SESTD1: variants seen among roughly 807,000 people sequenced by gnomAD.
SESTD1 encodes the protein SEC14 and spectrin domain containing 1, also known as SEC14 domain and spectrin repeat-containing protein 1.
SESTD1 carries 43 observed loss-of-function variants against 101.7 expected under a neutral mutation model. That is an observed-to-expected ratio of 0.42 (90% CI 0.33 to 0.55). The LOEUF (loss-of-function observed/expected upper bound fraction) is 0.55. Ranked by LOEUF, SESTD1 falls within the 20% of genes least tolerant of loss-of-function variation. The pLI is 0.07. For synonymous variants in SESTD1, 283 were observed against 286.8 expected (o/e 0.99, Z 0.13); for missense variants, 647 against 815.1 (o/e 0.79, Z 2.51).
chr2:179,120,178 T>C (rs2154393945), intron 13 of SESTD1, among the ~76,000 whole-genome samples: 1 of 151,994 alleles, frequency 6.6e-6, no homozygotes, highest in Middle Eastern at 3.4e-3. Context: ...GCAGTGAGCC[T>C]TGATCATACC....
chr2:179,116,743 G>A lies in SESTD1; in HGVS notation c.1572C>T (p.His524=), dbSNP rs1448751469. 1.2e-6 allele frequency: 2 copies of A among 1,614,024 alleles called. No individual in the cohort carries two copies. Among genetic ancestry groups the A allele is most frequent in the Non-Finnish European group, 1.7e-6 (2 of 1,180,024 alleles). ...CTTGAGCATCATCGCCCAATCTGATGTGAGTCTTAAGCAGAGCATCCAGAA... is the reference window on the plus strand; with the variant it reads ...CTTGAGCATCATCGCCCAATCTGATATGAGTCTTAAGCAGAGCATCCAGAA... ...SELLDALLKT[H]IRLGDDAQET... is the part of the protein sequence containing the mutation. The change falls in exon 15 of 18, where the codon CAC becomes CAT. Residue 524 remains histidine (H), a synonymous_variant. Coordinates refer to ENST00000428443, the MANE Select transcript of SESTD1 (RefSeq NM_178123.5).
At chr2:179,188,026 T>C (rs907531109) in intron 2 of SESTD1, among the ~76,000 whole-genome samples, 1 of 152,080 alleles carries the variant, frequency 6.6e-6, no homozygotes, top group African/African-American at 2.4e-5. Flanking sequence ...AGACAGATCA[T>C]CGGGGAGAAA....
Position 179,107,077 on chromosome 2 carries a change from T to C in SESTD1, c.*2822A>G, listed in dbSNP as rs1349285925. 1 of 152,182 alleles carries C rather than the reference T, an allele frequency of 6.6e-6. No individual in the cohort carries two copies. The highest frequency in any genetic ancestry group is 1.5e-5 in the Non-Finnish European group (1 of 68,022). The allele number at this position is 152,182 out of a possible 1,614,324, so 9.4% of individuals were successfully genotyped here. On this transcript the variant is annotated 3_prime_UTR_variant, in exon 18 of 18. Coordinates refer to ENST00000428443, the MANE Select transcript of SESTD1 (RefSeq NM_178123.5). The stretch of plus-strand genomic sequence containing the variant: ...TTGTGACATATATACCAATTACAAA[T>C]GAGTGGTTCTTTCAGAGACTTGCAA...
At chr2:179,242,579 A>G (rs2047170618) in intron 1 of SESTD1, among the ~76,000 whole-genome samples, 1 of 152,246 alleles carries the variant, frequency 6.6e-6, no homozygotes. Flanking sequence ...ATAAGGCTAC[A>G]GTAACCAACA....
At chr2:179,150,641 G>A (rs1211719492) in intron 6 of SESTD1, among the ~76,000 whole-genome samples, 1 of 152,010 alleles carries the variant, frequency 6.6e-6, no homozygotes, top group Non-Finnish European at 1.5e-5. Context: ...CCAACATGGT[G>A]AAACCCCGTC....
At chr2:179,118,654 A>G (rs1361240725) in intron 13 of SESTD1, among the ~76,000 whole-genome samples, 1 of 152,230 alleles carries the variant, frequency 6.6e-6, no homozygotes, top group African/African-American at 2.4e-5. Flanking sequence ...GGGAAGTGAT[A>G]ATTATTTTTT....
Position 179,138,955 on chromosome 2 carries a change from C to T in SESTD1, c.849+4637G>A, listed in dbSNP as rs545042945. Among the ~76,000 whole-genome samples, 226 of 151,136 alleles carry T rather than the reference C, an allele frequency of 1.5e-3. 1 individual carries two copies. Among genetic ancestry groups the T allele is most frequent in the Non-Finnish European group, 2.6e-3 (179 of 67,846 alleles). ...TGCCTGTCCAATATCAGAGGCTCAT[C>T]GCCCTTGTTATTGATCTTTAGAACC... On this transcript the variant is annotated intron_variant, in intron 9 of 17. Coordinates refer to ENST00000428443, the MANE Select transcript of SESTD1 (RefSeq NM_178123.5).
At chr2:179,248,802 C>G (rs1177353551) in intron 1 of SESTD1, among the ~76,000 whole-genome samples, 1 of 151,704 alleles carries the variant, frequency 6.6e-6, no homozygotes, top group Non-Finnish European at 1.5e-5. Flanking sequence ...ATATGGCAGC[C>G]AGGCACAGTG....
chr2:179,223,292 G>A (rs115065576), intron 1 of SESTD1, among the ~76,000 whole-genome samples: 280 of 152,264 alleles, frequency 1.8e-3, no homozygotes, highest in African/African-American at 6.3e-3. Flanking sequence ...GGTATGGAGA[G>A]TGACTGGTAA....
intron 1 of SESTD1, among the ~76,000 whole-genome samples, chr2:179,196,592 A>T (rs1055502929): frequency 6.6e-6 from 1 of 152,238 alleles, no homozygotes; most frequent in African/African-American, 2.4e-5. Flanking sequence ...TGGTTCTCCC[A>T]GCATGCAGCT....
chr2:179,148,782 C>A (rs762555950), intron 7 of SESTD1, among the ~76,000 whole-genome samples: 2 of 151,854 alleles, frequency 1.3e-5, no homozygotes, highest in East Asian at 3.9e-4. Context: ...AAAAATGGGC[C>A]GGGTGCGGTG....
chr2:179,184,543 AAT>A (rs1312044175), intron 2 of SESTD1, among the ~76,000 whole-genome samples: 2 of 151,974 alleles, frequency 1.3e-5, no homozygotes, highest in Non-Finnish European at 2.9e-5. Flanking sequence ...TTTTGTTCAG[AAT>A]ATGTGTCATT....
intron 5 of SESTD1, 59 bp downstream of exon 5, chr2:179,172,061 T>A: frequency 8.8e-7 from 1 of 1,141,224 alleles, no homozygotes; most frequent in Non-Finnish European, 1.3e-6. Flanking sequence ...CAAAAATAAT[T>A]TCAGTAAAAT....
intron 1 of SESTD1, among the ~76,000 whole-genome samples, chr2:179,234,021 G>C (rs2105540910): frequency 6.6e-6 from 1 of 152,318 alleles, no homozygotes; most frequent in Non-Finnish European, 1.5e-5. Flanking sequence ...TTCTGGATAA[G>C]ATTTACATTT....
At chr2:179,196,378 A>G (rs1327272477) in intron 1 of SESTD1, among the ~76,000 whole-genome samples, 2 of 152,178 alleles carry the variant, frequency 1.3e-5, no homozygotes, top group Non-Finnish European at 2.9e-5. Flanking sequence ...TGAGGCTGGG[A>G]GAGGGGCGCC....
At chr2:179,227,495 G>A (rs1463188400) in intron 1 of SESTD1, among the ~76,000 whole-genome samples, 2 of 152,098 alleles carry the variant, frequency 1.3e-5, no homozygotes, top group Non-Finnish European at 2.9e-5. Context: ...AAGAATTGAG[G>A]TAACAAAATT....
At position 179,171,213 on chromosome 2, in the gene SESTD1, G is replaced by A. The variant is rs921254488; in HGVS notation, c.369+907C>T. 3.3e-5 allele frequency among the ~76,000 whole-genome samples: 5 copies of A among 152,112 alleles called. No homozygotes were observed. In the East Asian group the frequency reaches 5.8e-4, roughly 18 times the overall value. On this transcript the variant is annotated intron_variant, in intron 5 of 17. Transcript: ENST00000428443. ...CTAAAATGAATTAATTTCACTGCAC[G>A]TAAATTATAGCTTAATTTTTTTAAG...
At position 179,105,193 on chromosome 2, in the gene SESTD1, T is replaced by A. The variant is rs934013483; in HGVS notation, c.*4706A>T. 1.4e-5 allele frequency: 2 copies of A among 144,762 alleles called. No individual in the cohort carries two copies. The highest frequency in any genetic ancestry group is 5.4e-5 in the African/African-American group (2 of 37,250). The allele number at this position is 144,762 out of a possible 1,614,324, so 9.0% of individuals were successfully genotyped here. Reference sequence around the variant, plus strand: ...CTTTGTTCTGTTTTTTTTTTTTTTTTAACCTCATTATTGGGATACTTAAAT... The same window carrying A: ...CTTTGTTCTGTTTTTTTTTTTTTTTAAACCTCATTATTGGGATACTTAAAT... On this transcript the variant is annotated 3_prime_UTR_variant, in exon 18 of 18. Coordinates refer to ENST00000428443, the MANE Select transcript of SESTD1 (RefSeq NM_178123.5).
chr2:179,240,349 A>G (rs2047133146), intron 1 of SESTD1, among the ~76,000 whole-genome samples: 2 of 152,186 alleles, frequency 1.3e-5, no homozygotes, highest in South Asian at 4.1e-4. Context: ...AGTAGATACA[A>G]TTTTTCCTAT....
Sources: allele counts gnomAD v4.1 joint callset (sites outside exome capture counted in the v4.1 genomes callset), GRCh38; gene constraint gnomAD v4.1.1; transcripts MANE v1.5; gene names NCBI Gene and HGNC (gene_info 2026-07-23, HGNC 2026-07-21).